PDGFC: variants seen among roughly 807,000 people sequenced by gnomAD.
The protein encoded by PDGFC is platelet derived growth factor C, also known as platelet-derived growth factor C.
A neutral mutation model predicts 35.5 loss-of-function variants in PDGFC; 12 were observed. The ratio of observed to expected loss-of-function variants is 0.34; its 90% CI spans 0.22 to 0.55. The LOEUF is 0.55. PDGFC is among the 20% of genes least tolerant of loss of function. The pLI, the probability that PDGFC is intolerant of heterozygous loss-of-function variation, is 0.91. For synonymous variants in PDGFC, 159 were observed against 148.8 expected (o/e 1.07, Z -0.50); for missense variants, 322 against 412.4 (o/e 0.78, Z 1.90).
At chr4:156,840,928 G>C (rs917866210) in intron 2 of PDGFC, among the ~76,000 whole-genome samples, 7 of 152,160 alleles carry the variant, frequency 4.6e-5, no homozygotes, top group Non-Finnish European at 1.0e-4. Flanking sequence ...CTCCCATTTG[G>C]AATGGGTGTA....
intron 2 of PDGFC, among the ~76,000 whole-genome samples, chr4:156,822,216 G>A (rs994327235): frequency 4.6e-5 from 7 of 151,794 alleles, no homozygotes; most frequent in African/African-American, 1.5e-4. Flanking sequence ...AAAATTAGCC[G>A]GGCGTGGTGG....
chr4:156,927,547 T>G (rs928095052), intron 1 of PDGFC, among the ~76,000 whole-genome samples: 2 of 152,142 alleles, frequency 1.3e-5, no homozygotes, highest in Non-Finnish European at 2.9e-5. Flanking sequence ...AAGTTCAAAG[T>G]TGCACGAATC....
chr4:156,779,151 G>A (rs1028157683), intron 3 of PDGFC: 4 of 456,034 alleles, frequency 8.8e-6, no homozygotes, highest in African/African-American at 6.0e-5. Flanking sequence ...AACAACTCAC[G>A]GGAGGTTCTG....
intron 1 of PDGFC, among the ~76,000 whole-genome samples, chr4:156,960,639 C>T (rs547379907): frequency 3.8e-4 from 58 of 152,006 alleles, no homozygotes; most frequent in Admixed American, 5.2e-4. Context: ...ACAAAATTAA[C>T]GCATTTCCAG....
intron 1 of PDGFC, among the ~76,000 whole-genome samples, chr4:156,914,953 G>T (rs533261692): frequency 6.6e-6 from 1 of 152,156 alleles, no homozygotes; most frequent in South Asian, 2.1e-4. Flanking sequence ...CTTTGTTAAT[G>T]GTTTAGAGTA....
At chr4:156,785,147 C>G (rs1401068170) in intron 3 of PDGFC, among the ~76,000 whole-genome samples, 7 of 152,156 alleles carry the variant, frequency 4.6e-5, no homozygotes, top group African/African-American at 1.2e-4. Context: ...CAGGATGATT[C>G]ACATTCTGCA....
intron 1 of PDGFC, chr4:156,876,413 G>A (rs1164990828): frequency 6.6e-6 from 1 of 152,142 alleles, no homozygotes; most frequent in African/African-American, 2.4e-5. Context: ...AATATTAATT[G>A]TGTACTCACT....
intron 1 of PDGFC, among the ~76,000 whole-genome samples, chr4:156,875,569 G>A (rs1359666657): frequency 7.2e-5 from 11 of 152,134 alleles, no homozygotes. Context: ...AAATGCTGCA[G>A]CACAAGAAAA....
intron 1 of PDGFC, among the ~76,000 whole-genome samples, chr4:156,930,694 C>T (rs767099156): frequency 2.6e-5 from 4 of 151,800 alleles, no homozygotes; most frequent in Non-Finnish European, 5.9e-5. Context: ...ATGGTGAAAC[C>T]CTGTCTCTAC....
chr4:156,893,069 C>G (rs982698558), intron 1 of PDGFC, among the ~76,000 whole-genome samples: 10 of 151,992 alleles, frequency 6.6e-5, no homozygotes, highest in Non-Finnish European at 1.3e-4. Context: ...AATGATCTAC[C>G]CCTTATATTT....
rs376142452 is a variant in PDGFC, at chr4:156,777,996, T to C, written c.496-5103A>G. 6.8e-4 allele frequency among the ~76,000 whole-genome samples: 104 copies of C among 152,056 alleles called. 2 individuals are homozygous for C. The South Asian group carries it at 0.021, about 31-fold the overall frequency. On this transcript the variant is annotated intron_variant, in intron 3 of 5. Coordinates refer to ENST00000502773, the MANE Select transcript of PDGFC (RefSeq NM_016205.3). ...GGCCACGCTTATAATCCCAGCTACT[T>C]GGGAGGCTGAGGGACAAGAATCACT...
chr4:156,887,027 T>C (rs1194855133), intron 1 of PDGFC, among the ~76,000 whole-genome samples: 2 of 152,200 alleles, frequency 1.3e-5, no homozygotes, highest in African/African-American at 4.8e-5. Flanking sequence ...AATTTTTGTA[T>C]GTATTCACAC....
intron 1 of PDGFC, chr4:156,876,793 T>C (rs769106266): frequency 2.6e-5 from 4 of 152,312 alleles, no homozygotes; most frequent in Non-Finnish European, 5.9e-5. Flanking sequence ...ATAAGTGTTA[T>C]CTTTATTAAA....
At chr4:156,948,995 G>C (rs532626176) in intron 1 of PDGFC, among the ~76,000 whole-genome samples, 1 of 151,866 alleles carries the variant, frequency 6.6e-6, no homozygotes, top group Non-Finnish European at 1.5e-5. Flanking sequence ...CCGAGGTCCT[G>C]TGCTGCTGAA....
At chr4:156,773,200 A>G (rs1730735066) in intron 3 of PDGFC, among the ~76,000 whole-genome samples, 1 of 152,226 alleles carries the variant, frequency 6.6e-6, no homozygotes, top group Non-Finnish European at 1.5e-5. Flanking sequence ...AATGAAAACT[A>G]TAATACAGTT....
intron 3 of PDGFC, among the ~76,000 whole-genome samples, chr4:156,782,909 T>C (rs969779549): frequency 1.3e-5 from 2 of 152,112 alleles, no homozygotes; most frequent in African/African-American, 4.8e-5. Flanking sequence ...ATGAATAATA[T>C]AGCCATTGTG....
chr4:156,768,058 A>C, intron 4 of PDGFC, 68 bp from the exon 5 acceptor site: 1 of 888,940 alleles, frequency 1.1e-6, no homozygotes, highest in South Asian at 1.4e-5. Flanking sequence ...TATTTCATTA[A>C]GCTCTTTTCA....
At chr4:156,850,449 T>C (rs1293214596) in intron 1 of PDGFC, 33 bp from the exon 2 acceptor site, 2 of 1,303,258 alleles carry the variant, frequency 1.5e-6, no homozygotes, top group African/African-American at 1.5e-5. Context: ...AGACATACAT[T>C]TAGATTTCAA....
rs1310860753 is a variant in PDGFC at position 156,960,901 on chromosome 4, T to C, written c.118+9885A>G. 3.3e-5 allele frequency among the ~76,000 whole-genome samples: 5 copies of C among 152,182 alleles called. No individual in the cohort carries two copies. In the East Asian group the frequency reaches 9.7e-4, roughly 30 times the overall value. On this transcript the variant is annotated intron_variant, in intron 1 of 5. Transcript: ENST00000502773. Reference sequence around the variant, plus strand: ...AAAACACTAATCATTACTGTGTTTTTCCTATGTTCTTTACAATTTGCACCC... The same window carrying C: ...AAAACACTAATCATTACTGTGTTTTCCCTATGTTCTTTACAATTTGCACCC...
Sources: allele counts gnomAD v4.1 joint callset (sites outside exome capture counted in the v4.1 genomes callset), GRCh38; gene constraint gnomAD v4.1.1; transcripts MANE v1.5; gene names NCBI Gene and HGNC (gene_info 2026-07-23, HGNC 2026-07-21).